PDGFD: variants seen among roughly 807,000 people sequenced by gnomAD.
The protein encoded by PDGFD is platelet-derived growth factor D.
A neutral mutation model predicts 44.7 loss-of-function variants in PDGFD; 30 were observed. The ratio of observed to expected loss-of-function variants is 0.67; its 90% CI spans 0.50 to 0.91. The LOEUF (loss-of-function observed/expected upper bound fraction) is 0.91, where lower values mean the gene tolerates loss of function less well. Ranked by LOEUF, PDGFD falls within the 40% of genes least tolerant of loss-of-function variation. The pLI is 0.00. For synonymous variants in PDGFD, 173 were observed against 168.4 expected (o/e 1.03, Z -0.21); for missense variants, 445 against 457.8 (o/e 0.97, Z 0.25).
chr11:104,012,302 T>C (rs902343448), intron 1 of PDGFD, among the ~76,000 whole-genome samples: 5 of 152,226 alleles, frequency 3.3e-5, no homozygotes, highest in African/African-American at 1.2e-4. Flanking sequence ...ACTTTGAAGC[T>C]ATGTATGAAT....
Position 103,979,925 on chromosome 11 carries a change from T to C in PDGFD, c.510+16140A>G, listed in dbSNP as rs1166496305. The stretch of plus-strand genomic sequence containing the variant: ...AACTAATTGTAACTTCAAATCAAAA[T>C]TAGGCACTGGCCCGCAATCTTAAAT... On this transcript the variant is annotated intron_variant, in intron 3 of 6. Transcript: ENST00000393158. Among the ~76,000 whole-genome samples, 4 of 152,140 alleles carry C rather than the reference T, an allele frequency of 2.6e-5. No individual in the cohort carries two copies. In the East Asian group the frequency reaches 7.7e-4, roughly 29 times the overall value.
In PDGFD at chr11:104,125,638, T is replaced by C. The variant is rs1456241657; in HGVS notation, c.124+38166A>G. 2.6e-5 allele frequency among the ~76,000 whole-genome samples: 4 copies of C among 152,168 alleles called. No homozygotes were observed. In the East Asian group the frequency reaches 7.7e-4, roughly 29 times the overall value. On this transcript the variant is annotated intron_variant, in intron 1 of 6. Coordinates refer to ENST00000393158, the MANE Select transcript of PDGFD (RefSeq NM_025208.5). ...ACTATCCCAAGATGTTTCTTGTTTATAGGCTCTCCAGAATGTCCCACTACT... is the reference window on the plus strand; with the variant it reads ...ACTATCCCAAGATGTTTCTTGTTTACAGGCTCTCCAGAATGTCCCACTACT...
intron 1 of PDGFD, among the ~76,000 whole-genome samples, chr11:104,026,838 A>G (rs1172125379): frequency 2.0e-5 from 3 of 152,230 alleles, no homozygotes; most frequent in Non-Finnish European, 4.4e-5. Context: ...TGTTCCATCC[A>G]ACAAATAAAC....
At chr11:104,137,407 C>T (rs1195805822) in intron 1 of PDGFD, among the ~76,000 whole-genome samples, 3 of 150,888 alleles carry the variant, frequency 2.0e-5, no homozygotes, top group Non-Finnish European at 4.4e-5. Context: ...GACTGGCACA[C>T]AAAAAACCTT....
At chr11:103,938,938 T>C (rs998444020) in intron 5 of PDGFD, among the ~76,000 whole-genome samples, 6 of 152,182 alleles carry the variant, frequency 3.9e-5, no homozygotes, top group African/African-American at 1.4e-4. Flanking sequence ...ACCAGTACCA[T>C]GTTGTTTTGG....
At chr11:104,150,579 C>G (rs10791672) in intron 1 of PDGFD, among the ~76,000 whole-genome samples, 1 of 151,924 alleles carries the variant, frequency 6.6e-6, no homozygotes, top group Admixed American at 6.6e-5. Flanking sequence ...GAAGTCTGAA[C>G]TCAATTTCAA....
intron 3 of PDGFD, among the ~76,000 whole-genome samples, chr11:103,990,525 G>A (rs1040033023): frequency 6.6e-6 from 1 of 152,168 alleles, no homozygotes; most frequent in Admixed American, 6.5e-5. Context: ...TCCTCCCACT[G>A]CTATGAGTAT....
intron 2 of PDGFD, among the ~76,000 whole-genome samples, chr11:103,997,308 A>G (rs1427080278): frequency 6.6e-6 from 1 of 152,230 alleles, no homozygotes; most frequent in African/African-American, 2.4e-5. Flanking sequence ...CATCAGAAGG[A>G]ATCATCATAA....
chr11:104,103,462 GTATATATATA>G (rs58684985), intron 1 of PDGFD, among the ~76,000 whole-genome samples: 2,745 of 133,142 alleles, frequency 0.021, 37 homozygotes, highest in South Asian at 0.051. Flanking sequence ...GTGTGTGTGT[GTATATATATA>G]TATATATATA....
chr11:103,944,892 C>T (rs928250188), intron 4 of PDGFD, among the ~76,000 whole-genome samples: 1 of 152,042 alleles, frequency 6.6e-6, no homozygotes, highest in Non-Finnish European at 1.5e-5. Context: ...AAAAGGGAGT[C>T]AAGGGAGTTG....
intron 1 of PDGFD, among the ~76,000 whole-genome samples, chr11:104,095,125 A>G (rs1187327404): frequency 6.6e-6 from 1 of 152,090 alleles, no homozygotes; most frequent in Non-Finnish European, 1.5e-5. Flanking sequence ...TTTAAATACT[A>G]TATCTCAGAT....
At chr11:104,069,787 G>A (rs899230857) in intron 1 of PDGFD, among the ~76,000 whole-genome samples, 3 of 152,230 alleles carry the variant, frequency 2.0e-5, no homozygotes, top group Non-Finnish European at 2.9e-5. Flanking sequence ...GTGAACCCGG[G>A]AGGCGGAGCT....
chr11:104,010,614 T>TAAAAA lies in PDGFD; in HGVS notation c.125-10360_125-10359insTTTTT, dbSNP rs1859769849. Among the ~76,000 whole-genome samples the TAAAAA allele has an allele frequency of 5.3e-5, 8 of 152,244 alleles. No individual in the cohort carries two copies. In the South Asian group the frequency reaches 1.5e-3, roughly 28 times the overall value. ...AAATAATTTAACTTTCTGAAATGAC[T>TAAAAA]TTTGGTCTAATTTTTAGAATATTTG... On this transcript the variant is annotated intron_variant, in intron 1 of 6. Coordinates refer to ENST00000393158, the MANE Select transcript of PDGFD (RefSeq NM_025208.5).
chr11:104,072,771 G>C (rs765276346), intron 1 of PDGFD, among the ~76,000 whole-genome samples: 1 of 151,898 alleles, frequency 6.6e-6, no homozygotes, highest in South Asian at 2.1e-4. Context: ...TCGTTTTCCT[G>C]AAATGGGTGT....
intron 1 of PDGFD, among the ~76,000 whole-genome samples, chr11:104,041,805 G>A (rs1480766436): frequency 6.6e-6 from 1 of 152,158 alleles, no homozygotes. Context: ...TTTCTAGGGG[G>A]AAATCTGTTC....
intron 1 of PDGFD, among the ~76,000 whole-genome samples, chr11:104,071,801 T>A (rs984855357): frequency 6.6e-6 from 1 of 151,756 alleles, no homozygotes; most frequent in African/African-American, 2.4e-5. Context: ...GCTTAATTTA[T>A]TTTTTACTTT....
intron 1 of PDGFD, among the ~76,000 whole-genome samples, chr11:104,126,853 GA>G (rs34656428): frequency 1.3e-5 from 2 of 151,052 alleles, no homozygotes; most frequent in East Asian, 3.9e-4. Context: ...CTCCAATTTA[GA>G]AAAAAAAATC....
intron 3 of PDGFD, among the ~76,000 whole-genome samples, chr11:103,963,950 G>A (rs186930355): frequency 6.6e-6 from 1 of 151,826 alleles, no homozygotes; most frequent in Non-Finnish European, 1.5e-5. Context: ...GTAATTTGGG[G>A]GCTATAAGAC....
At chr11:104,126,269 T>C (rs775827636) in intron 1 of PDGFD, among the ~76,000 whole-genome samples, 3 of 152,156 alleles carry the variant, frequency 2.0e-5, no homozygotes, top group Admixed American at 6.5e-5. Flanking sequence ...AACTCTCCTG[T>C]GCTCCTCCCT....
Sources: gnomAD v4.1 joint callset for allele counts (sites outside exome capture counted in the v4.1 genomes callset) on GRCh38, gnomAD v4.1.1 for gene constraint, MANE v1.5 for transcripts, NCBI Gene and HGNC (gene_info 2026-07-23, HGNC 2026-07-21) for gene names.